The following BARX2 variants were observed in gnomAD, a reference collection of about 807,000 sequenced individuals.
BARX2 encodes BARX homeobox 2, also known as homeobox protein BarH-like 2.
A neutral mutation model predicts 25.5 loss-of-function variants in BARX2; 11 were observed. The observed-to-expected ratio is 0.43, with a 90% CI of 0.27 to 0.71. BARX2 has a LOEUF of 0.71. Ranked by LOEUF, BARX2 falls within the 30% of genes least tolerant of loss-of-function variation. BARX2 has a pLI of 0.19. For synonymous variants in BARX2, 137 were observed against 149.5 expected (o/e 0.92, Z 0.61); for missense variants, 360 against 359.9 (o/e 1.00, Z 0.00).
intron 3 of BARX2, among the ~76,000 whole-genome samples, chr11:129,449,393 T>C (rs1862369452): frequency 6.9e-6 from 1 of 145,732 alleles, no homozygotes; most frequent in African/African-American, 2.6e-5. Flanking sequence ...TCAAGGAGCT[T>C]ATATACAAAT....
chr11:129,435,381 A>G (rs112116699), intron 1 of BARX2, among the ~76,000 whole-genome samples: 49 of 152,358 alleles, frequency 3.2e-4, no homozygotes, highest in East Asian at 1.2e-3. Context: ...TGTTTTATCA[A>G]CTGTGACTGG....
chr11:129,427,517 G>A (rs940936748), intron 1 of BARX2, among the ~76,000 whole-genome samples: 1 of 152,180 alleles, frequency 6.6e-6, no homozygotes, highest in Non-Finnish European at 1.5e-5. Context: ...AGCTTTCTGT[G>A]TATATATAGG....
chr11:129,406,202 A>G (rs1205553051), intron 1 of BARX2, among the ~76,000 whole-genome samples: 2 of 152,264 alleles, frequency 1.3e-5, no homozygotes, highest in Non-Finnish European at 2.9e-5. Context: ...TTAAACAAAC[A>G]TTTAAGGAGC....
At chr11:129,431,159 T>G (rs1327787498) in intron 1 of BARX2, among the ~76,000 whole-genome samples, 1 of 152,168 alleles carries the variant, frequency 6.6e-6, no homozygotes, top group Non-Finnish European at 1.5e-5. Flanking sequence ...TATTTCTGAG[T>G]AGTATTTCGT....
At chr11:129,425,445 A>G (rs1194246201) in intron 1 of BARX2, among the ~76,000 whole-genome samples, 1 of 152,176 alleles carries the variant, frequency 6.6e-6, no homozygotes, top group Non-Finnish European at 1.5e-5. Flanking sequence ...GTGGGTGTAT[A>G]TGGAAAACAG....
intron 1 of BARX2, among the ~76,000 whole-genome samples, chr11:129,417,796 C>A (rs1273037079): frequency 2.0e-5 from 3 of 152,164 alleles, no homozygotes; most frequent in Non-Finnish European, 4.4e-5. Context: ...ATGGCCTTTG[C>A]AGTTTATAAT....
chr11:129,403,083 C>T (rs1861794341), intron 1 of BARX2, among the ~76,000 whole-genome samples: 1 of 152,226 alleles, frequency 6.6e-6, no homozygotes, highest in African/African-American at 2.4e-5. Flanking sequence ...AAAGAAGGCT[C>T]AGCTGTCCTC....
At chr11:129,410,196 G>T (rs751664599) in intron 1 of BARX2, among the ~76,000 whole-genome samples, 2 of 152,068 alleles carry the variant, frequency 1.3e-5, no homozygotes, top group Non-Finnish European at 2.9e-5. Flanking sequence ...ATATCCTTGC[G>T]TTTTAATCTA....
At chr11:129,394,585 C>G (rs1250855115) in intron 1 of BARX2, among the ~76,000 whole-genome samples, 4 of 152,102 alleles carry the variant, frequency 2.6e-5, no homozygotes, top group African/African-American at 9.6e-5. Flanking sequence ...CAAATCAAGG[C>G]ATTTATTGTA....
In BARX2 at chr11:129,451,547, T is replaced by C. The variant is rs113990346; in HGVS notation, c.*145T>C. On this transcript the variant is annotated 3_prime_UTR_variant, in exon 4 of 4. Transcript: ENST00000281437. ...GTCTCCCTCCCTCCCACAGTTACCA[T>C]TGGCCTTGTCATCGCAAGCATTTGA... 0.08 allele frequency: 76,674 copies of C among 957,476 alleles called. 3,497 individuals are homozygous for C. The highest frequency in any genetic ancestry group is 0.1 in the South Asian group (5,580 of 55,152). 59.3% of individuals were successfully genotyped at this position (957,476 alleles called of 1,614,324 possible).
At chr11:129,386,028 A>G (rs1238816972) in intron 1 of BARX2, among the ~76,000 whole-genome samples, 2 of 152,256 alleles carry the variant, frequency 1.3e-5, no homozygotes, top group African/African-American at 4.8e-5. Flanking sequence ...GGCTTCTGAA[A>G]GTGGCTTTTG....
At chr11:129,397,576 A>T (rs1392999996) in intron 1 of BARX2, among the ~76,000 whole-genome samples, 3 of 152,234 alleles carry the variant, frequency 2.0e-5, no homozygotes, top group Non-Finnish European at 4.4e-5. Flanking sequence ...TATCGTTTCA[A>T]CTAGAGTTCG....
chr11:129,382,875 C>T (rs1441680634), intron 1 of BARX2, among the ~76,000 whole-genome samples: 1 of 152,144 alleles, frequency 6.6e-6, no homozygotes, highest in Non-Finnish European at 1.5e-5. Context: ...TTGGAAGCAG[C>T]ATGACGACGA....
chr11:129,432,289 T>G (rs1862138639), intron 1 of BARX2, among the ~76,000 whole-genome samples: 1 of 152,166 alleles, frequency 6.6e-6, no homozygotes, highest in African/African-American at 2.4e-5. Context: ...CTCGAACTCC[T>G]GACCTCAAGT....
intron 1 of BARX2, among the ~76,000 whole-genome samples, chr11:129,407,374 CT>C (rs997380683): frequency 2.0e-5 from 3 of 152,194 alleles, no homozygotes; most frequent in Non-Finnish European, 4.4e-5. Context: ...TCATTTAGTT[CT>C]ATTAGCAATT....
At chr11:129,439,171 C>A (rs1862227206) in intron 2 of BARX2, among the ~76,000 whole-genome samples, 1 of 151,912 alleles carries the variant, frequency 6.6e-6, no homozygotes, top group Non-Finnish European at 1.5e-5. Context: ...ATGAGAGAGG[C>A]CAGAGACGGA....
chr11:129,436,905 G>C lies in BARX2; in HGVS notation c.342G>C (p.Glu114Asp), dbSNP rs767571038. ...EAVSAEAPGG[E>D]ALASSESETE... ...TCTCTGCTGAGGCCCCAGGGGGCGA[G>C]GCCCTAGCCAGCAGCGAGTCAGAGA... is the stretch of plus-strand genomic sequence containing the variant. Residue 114 changes from glutamate to aspartate, a missense_variant, in exon 2 of 4, where the codon GAG becomes GAC. Physicochemically the swap from Glu to Asp is conservative, Grantham distance 45. This residue lies in a region of BARX2 where 240 missense variants were observed against 228.7 expected (regional missense o/e 1.05). Coordinates refer to ENST00000281437, the MANE Select transcript of BARX2 (RefSeq NM_003658.5). This position sits in a 1 kb window ranked among gnomAD's most constrained non-coding sequence, Gnocchi z 4.5. 6.2e-7 allele frequency: 1 copy of C among 1,613,830 alleles called. No homozygotes were observed. Among genetic ancestry groups the C allele is most frequent in the African/African-American group, 1.3e-5 (1 of 74,926 alleles).
chr11:129,399,313 A>T (rs1292091242), intron 1 of BARX2, among the ~76,000 whole-genome samples: 5 of 152,172 alleles, frequency 3.3e-5, no homozygotes, highest in Non-Finnish European at 7.3e-5. Flanking sequence ...CAACAGAGCA[A>T]GTTTGACTTT....
At chr11:129,418,129 G>T (rs1220209514) in intron 1 of BARX2, among the ~76,000 whole-genome samples, 1 of 152,188 alleles carries the variant, frequency 6.6e-6, no homozygotes, top group African/African-American at 2.4e-5. Context: ...TTGGTAGGTT[G>T]TTACCAGCTG....
Sources: gnomAD v4.1 joint callset for allele counts (sites outside exome capture counted in the v4.1 genomes callset) on GRCh38, gnomAD v4.1.1 for gene constraint, gnomAD v4.1.1 regional missense constraint, Gnocchi (gnomAD v3.1) non-coding constraint, MANE v1.5 for transcripts, NCBI Gene and HGNC (gene_info 2026-07-23, HGNC 2026-07-21) for gene names.